The following NCAPG variants were observed in gnomAD, a reference collection of about 807,000 sequenced individuals.
The protein encoded by NCAPG is non-SMC condensin I complex subunit G.
A neutral mutation model predicts 113.1 loss-of-function variants in NCAPG; 69 were observed. The ratio of observed to expected loss-of-function variants is 0.61; its 90% CI spans 0.50 to 0.75. NCAPG has a LOEUF of 0.75. NCAPG is among the 30% of genes least tolerant of loss of function. NCAPG has a pLI of 0.00. For synonymous variants in NCAPG, 370 were observed against 415.8 expected (o/e 0.89, Z 1.34); for missense variants, 1,058 against 1,177.0 (o/e 0.90, Z 1.48).
intron 12 of NCAPG, among the ~76,000 whole-genome samples, chr4:17,830,660 T>G (rs191112711): frequency 1.6e-3 from 245 of 151,678 alleles, no homozygotes; most frequent in Middle Eastern, 3.4e-3. Flanking sequence ...TAGCATTGAA[T>G]CCAAGCCAGA....
intron 20 of NCAPG, chr4:17,843,000 G>T: frequency 5.4e-6 from 1 of 186,378 alleles, no homozygotes; most frequent in Non-Finnish European, 1.1e-5. Flanking sequence ...ATCTCTTTTG[G>T]ACAGTTATGG....
Position 17,843,551 on chromosome 4 carries a change from C to G in NCAPG, c.*126C>G. On this transcript the variant is annotated 3_prime_UTR_variant, in exon 21 of 21. Transcript: ENST00000251496. The stretch of plus-strand genomic sequence containing the variant: ...TCTGAAGATTTTCTGCTGTGCGCTT[C>G]CACGTTACTTTGGCCTGTATTAAAG... 4.7e-6 allele frequency: 5 copies of G among 1,070,418 alleles called. No individual in the cohort carries two copies. The South Asian group carries it at 7.8e-5, about 17-fold the overall frequency. 66.3% of individuals were successfully genotyped at this position (1,070,418 alleles called of 1,614,324 possible).
Position 17,837,228 on chromosome 4 carries a change from A to C in NCAPG, c.2179A>C (p.Ser727Arg). 1 of 1,614,056 alleles carries C rather than the reference A, an allele frequency of 6.2e-7. No individual in the cohort carries two copies. The highest frequency in any genetic ancestry group is 8.5e-7 in the Non-Finnish European group (1 of 1,179,938). Residue 727 changes from serine to arginine, a missense_variant, in exon 15 of 21, where the codon AGC becomes CGC. By Grantham distance (110) the Ser-to-Arg change is moderately radical. Coordinates refer to ENST00000251496, the MANE Select transcript of NCAPG (RefSeq NM_022346.5). Reference sequence around the variant, plus strand: ...GATGTTCTCTGGGCTTTTGGTCAGCAGCAGGATTCTTTCTCGTCTTATTTT... The same window carrying C: ...GATGTTCTCTGGGCTTTTGGTCAGCCGCAGGATTCTTTCTCGTCTTATTTT... Reference protein sequence around the residue: ...KLMFSGLLVSSRILSRLILLW... With the variant: ...KLMFSGLLVSRRILSRLILLW...
intron 3 of NCAPG, 158 bp downstream of exon 3, chr4:17,813,303 T>TA (rs200331629): frequency 4.2e-3 from 2,088 of 493,482 alleles, no homozygotes; most frequent in South Asian, 6.4e-3. Context: ...CCACCCAGCT[T>TA]AAAAAAAAAA....
chr4:17,815,350 A>T lies in NCAPG; in HGVS notation c.767A>T (p.Asp256Val). 1.3e-6 allele frequency: 2 copies of T among 1,584,676 alleles called. No individual in the cohort carries two copies. The highest frequency in any genetic ancestry group is 1.2e-5 in the South Asian group (1 of 85,478). Residue 256 changes from aspartate (D) to valine (V), a missense_variant, in exon 5 of 21, where the codon GAC becomes GTC. Coordinates refer to ENST00000251496, the MANE Select transcript of NCAPG (RefSeq NM_022346.5). ...RVMLLQQGLN[D>V]RSDAVKQAMQ... ...ATGCTCCTTCAACAAGGTCTTAATG[A>T]CAGATCAGGTAAGATAAACAACTTT...
At chr4:17,828,689 C>T (rs1392153821) in intron 12 of NCAPG, among the ~76,000 whole-genome samples, 3 of 151,728 alleles carry the variant, frequency 2.0e-5, no homozygotes, top group African/African-American at 7.3e-5. Flanking sequence ...TGAAACATAC[C>T]AAGAATATTT....
Position 17,812,203 on chromosome 4 carries a change from G to A in NCAPG, c.112-18G>A. 3.0e-5 allele frequency: 48 copies of A among 1,602,674 alleles called. No homozygotes were observed. Among genetic ancestry groups the A allele is most frequent in the Non-Finnish European group, 4.1e-5 (48 of 1,171,298 alleles). ...TTTTTATCGGTGCAGTTTATGAAGGGTTTCTTTTGTCTTTCAGATGGATGA... is the reference window on the plus strand; with the variant it reads ...TTTTTATCGGTGCAGTTTATGAAGGATTTCTTTTGTCTTTCAGATGGATGA... On this transcript the variant is annotated intron_variant, in intron 1 of 20. Transcript: ENST00000251496.
rs2286536 is a variant in NCAPG at position 17,839,997 on chromosome 4, A to G, written c.2629-74A>G. ...TAATTTAGTGTTTTTAAACAACTTG[A>G]TATGTATTGGTACTATTTTCAAAGA... is the stretch of plus-strand genomic sequence containing the variant. On this transcript the variant is annotated intron_variant, in intron 17 of 20. Transcript: ENST00000251496. 0.13 allele frequency: 192,760 copies of G among 1,508,734 alleles called. 13,429 individuals are homozygous for G. The highest frequency in any genetic ancestry group is 0.23 in the South Asian group (17,072 of 74,574). The allele number at this position is 1,508,734 out of a possible 1,614,324, so 93.5% of individuals were successfully genotyped here.
chr4:17,832,121 G>A (rs1721889529), intron 13 of NCAPG, among the ~76,000 whole-genome samples: 1 of 152,178 alleles, frequency 6.6e-6, no homozygotes, highest in Non-Finnish European at 1.5e-5. Flanking sequence ...ATTTTCACAT[G>A]TAATACATTT....
At chr4:17,818,509 TA>T (rs1232497266) in intron 7 of NCAPG, among the ~76,000 whole-genome samples, 1 of 152,244 alleles carries the variant, frequency 6.6e-6, no homozygotes, top group Admixed American at 6.5e-5. Flanking sequence ...TGTTTTTCAA[TA>T]AAACTTTTAT....
At chr4:17,833,566 T>C (rs1053673257) in intron 13 of NCAPG, among the ~76,000 whole-genome samples, 2 of 151,478 alleles carry the variant, frequency 1.3e-5, no homozygotes, top group African/African-American at 4.8e-5. Flanking sequence ...ATTTTTATTT[T>C]ACTTTTTTAA....
chr4:17,811,036 G>A lies in NCAPG; in HGVS notation c.-42G>A. 1 of 1,320,274 alleles carries A rather than the reference G, an allele frequency of 7.6e-7. No homozygotes were observed. The highest frequency in any genetic ancestry group is 1.0e-6 in the Non-Finnish European group (1 of 984,096). 81.8% of individuals were successfully genotyped at this position (1,320,274 alleles called of 1,614,324 possible). ...TGGGTTGGCGGGCTGGCAGGCTGTA[G>A]CCGAGCGCGGGCAGGACTCGTCCCG... On this transcript the variant is annotated 5_prime_UTR_variant, in exon 1 of 21. Transcript: ENST00000251496. This position sits in a 1 kb window ranked among gnomAD's most constrained non-coding sequence, Gnocchi z 5.3.
intron 14 of NCAPG, among the ~76,000 whole-genome samples, chr4:17,836,264 TGGATAA>T (rs547201441): frequency 6.4e-4 from 97 of 152,342 alleles, no homozygotes; most frequent in Admixed American, 1.1e-3. Flanking sequence ...ATATTTTGTT[TGGATAA>T]ATGTCTGTTC....
At position 17,842,495 on chromosome 4, in the gene NCAPG, C is replaced by G. The variant is rs1329919750; in HGVS notation, c.2924+116C>G. On this transcript the variant is annotated intron_variant, in intron 20 of 20. Coordinates refer to ENST00000251496, the MANE Select transcript of NCAPG (RefSeq NM_022346.5). ...AGAATATATAACAAGATAGTGAAAA[C>G]TATAAATAGCTGTCTTAGGTATATA... 9.0e-6 allele frequency: 7 copies of G among 781,718 alleles called. No individual in the cohort carries two copies. The African/African-American group carries it at 1.2e-4, about 14-fold the overall frequency. The allele number at this position is 781,718 out of a possible 1,614,324, so 48.4% of individuals were successfully genotyped here.
At chr4:17,828,516 A>T (rs771573366) in intron 12 of NCAPG, 128 bp downstream of exon 12, 36 of 467,956 alleles carry the variant, frequency 7.7e-5, no homozygotes, top group African/African-American at 1.0e-4. Flanking sequence ...TAAATGATAA[A>T]ATATATATAT....
chr4:17,819,672 TTACAGGC>T (rs1721370164), intron 7 of NCAPG, among the ~76,000 whole-genome samples: 1 of 152,222 alleles, frequency 6.6e-6, no homozygotes, highest in Admixed American at 6.5e-5. Flanking sequence ...AGTGCTGGGA[TTACAGGC>T]GTGAGCCACA....
chr4:17,835,262 A>C (rs928267337), intron 14 of NCAPG, among the ~76,000 whole-genome samples: 10 of 152,142 alleles, frequency 6.6e-5, no homozygotes, highest in Non-Finnish European at 1.3e-4. Context: ...GCTGGAGTGC[A>C]GTGGCGTGAT....
Position 17,842,344 on chromosome 4 carries a change from CAGG to C in NCAPG, c.2893_2895del (p.Arg965del), listed in dbSNP as rs753916566. On this transcript the variant is annotated inframe_deletion, in exon 20 of 21. Coordinates refer to ENST00000251496, the MANE Select transcript of NCAPG (RefSeq NM_022346.5). ...AAGTGACAGTTTCAGCTAGGACGAA[CAGG>C]AGGTGTCAGACTGCTGAAGCCGACT... 3.1e-6 allele frequency: 5 copies of C among 1,612,060 alleles called. No individual in the cohort carries two copies. The highest frequency in any genetic ancestry group is 1.3e-5 in the African/African-American group (1 of 74,834).
At chr4:17,842,192 T>C (rs1722476328) in intron 19 of NCAPG, 118 bp from the exon 20 acceptor site, 6 of 779,604 alleles carry the variant, frequency 7.7e-6, no homozygotes, top group South Asian at 1.7e-5. Flanking sequence ...AAGTAGGAGA[T>C]ACATGTGTTG....
Sources: gnomAD v4.1 joint callset for allele counts (sites outside exome capture counted in the v4.1 genomes callset) on GRCh38, gnomAD v4.1.1 for gene constraint, Gnocchi (gnomAD v3.1) non-coding constraint, MANE v1.5 for transcripts, NCBI Gene and HGNC (gene_info 2026-07-23, HGNC 2026-07-21) for gene names.